The following AGBL4 variants were observed in gnomAD, a reference collection of about 807,000 sequenced individuals.
AGBL4 encodes cytosolic carboxypeptidase 6.
A neutral mutation model predicts 66.4 loss-of-function variants in AGBL4; 58 were observed. That is an observed-to-expected ratio of 0.87 (90% CI 0.71 to 1.09). The LOEUF is 1.09. AGBL4 is among the 50% of genes least tolerant of loss of function. The probability of loss-of-function intolerance (pLI) is 0.00; values close to 1 mark genes in which losing one functional copy is unlikely to be tolerated. For synonymous variants in AGBL4, 234 were observed against 222.9 expected (o/e 1.05, Z -0.44); for missense variants, 579 against 631.0 (o/e 0.92, Z 0.88).
At chr1:49,164,063 G>T (rs1012283366) in intron 4 of AGBL4, among the ~76,000 whole-genome samples, 3 of 152,170 alleles carry the variant, frequency 2.0e-5, no homozygotes, top group Admixed American at 1.3e-4. Context: ...TTTATAGGTT[G>T]TGTGCATAGT....
intron 9 of AGBL4, among the ~76,000 whole-genome samples, chr1:48,604,643 C>A (rs1645129181): frequency 6.6e-6 from 1 of 151,878 alleles, no homozygotes; most frequent in East Asian, 1.9e-4. Flanking sequence ...CACTTACATA[C>A]ACATAATCAA....
intron 4 of AGBL4, among the ~76,000 whole-genome samples, chr1:49,125,737 G>A (rs1305874873): frequency 6.6e-6 from 1 of 152,010 alleles, no homozygotes; most frequent in Non-Finnish European, 1.5e-5. Flanking sequence ...ATTCTCAAAT[G>A]AGAAAAAAGG....
At chr1:48,898,143 T>G (rs765796815) in intron 5 of AGBL4, among the ~76,000 whole-genome samples, 2 of 152,188 alleles carry the variant, frequency 1.3e-5, no homozygotes, top group South Asian at 2.1e-4. Context: ...GCTTTTGTTT[T>G]TTTGTTTGTT....
At chr1:49,928,887 T>TTGC (rs1653057700) in intron 1 of AGBL4, among the ~76,000 whole-genome samples, 1 of 152,120 alleles carries the variant, frequency 6.6e-6, no homozygotes, top group Admixed American at 6.5e-5. Flanking sequence ...GCAGCACTAT[T>TTGC]TGCAATAGCA....
chr1:49,919,856 A>T (rs1418276980), intron 1 of AGBL4, among the ~76,000 whole-genome samples: 2 of 152,248 alleles, frequency 1.3e-5, no homozygotes, highest in Non-Finnish European at 2.9e-5. Context: ...AGGCTACAGT[A>T]ACCAAAACAG....
intron 2 of AGBL4, among the ~76,000 whole-genome samples, chr1:49,806,333 T>G (rs2147959883): frequency 6.6e-6 from 1 of 152,326 alleles, no homozygotes; most frequent in East Asian, 1.9e-4. Context: ...AGAACTTGGC[T>G]TAATTGTGTC....
chr1:49,273,143 C>A (rs1644096040), intron 3 of AGBL4, among the ~76,000 whole-genome samples: 1 of 152,046 alleles, frequency 6.6e-6, no homozygotes, highest in African/African-American at 2.4e-5. Flanking sequence ...TCTCACAGGT[C>A]CAGAGCAGTG....
chr1:48,539,855 C>G (rs1644036421), intron 11 of AGBL4, 117 bp from the exon 12 acceptor site: 1 of 587,140 alleles, frequency 1.7e-6, no homozygotes, highest in Non-Finnish European at 2.6e-6. Context: ...TTGTTCTAAG[C>G]TTTTTGTATG....
intron 1 of AGBL4, among the ~76,000 whole-genome samples, chr1:49,962,244 G>C (rs539441430): frequency 6.6e-6 from 1 of 152,076 alleles, no homozygotes; most frequent in African/African-American, 2.4e-5. Context: ...CAATCCCTTC[G>C]TTAAGTTGTC....
intron 3 of AGBL4, among the ~76,000 whole-genome samples, chr1:49,389,242 T>A (rs897754023): frequency 6.7e-6 from 1 of 149,528 alleles, no homozygotes; most frequent in African/African-American, 2.5e-5. Context: ...CTGCCATCAA[T>A]TTTTTTTTTA....
intron 9 of AGBL4, among the ~76,000 whole-genome samples, chr1:48,606,434 T>C (rs2148372563): frequency 6.6e-6 from 1 of 152,180 alleles, no homozygotes; most frequent in South Asian, 2.1e-4. Flanking sequence ...TAGATGGAGG[T>C]AAAGAGGCTG....
chr1:49,643,040 A>G (rs1645814761), intron 3 of AGBL4, among the ~76,000 whole-genome samples: 1 of 152,008 alleles, frequency 6.6e-6, no homozygotes, highest in South Asian at 2.1e-4. Context: ...TGAATATTAA[A>G]CCAGTTAACT....
intron 4 of AGBL4, among the ~76,000 whole-genome samples, chr1:49,140,674 A>T (rs899850236): frequency 6.6e-6 from 1 of 152,220 alleles, no homozygotes; most frequent in Non-Finnish European, 1.5e-5. Flanking sequence ...GTGATTCTCA[A>T]GTTACAGGAG....
intron 1 of AGBL4, among the ~76,000 whole-genome samples, chr1:49,929,435 T>G (rs1379711620): frequency 6.6e-6 from 1 of 152,084 alleles, no homozygotes; most frequent in Non-Finnish European, 1.5e-5. Flanking sequence ...TGGAACAACA[T>G]TTTTAAAGTA....
intron 6 of AGBL4, chr1:48,817,561 T>A (rs1646210580): frequency 6.4e-6 from 1 of 157,154 alleles, no homozygotes; most frequent in Non-Finnish European, 1.4e-5. Flanking sequence ...TTAGTATTAA[T>A]CCTGTGGGTA....
intron 6 of AGBL4, among the ~76,000 whole-genome samples, chr1:48,665,535 T>C (rs932768240): frequency 1.3e-5 from 2 of 152,194 alleles, no homozygotes; most frequent in Non-Finnish European, 2.9e-5. Flanking sequence ...GGTGAGGAAC[T>C]GAGGCTCACA....
chr1:48,874,587 T>C (rs1287724526), intron 5 of AGBL4, among the ~76,000 whole-genome samples: 1 of 152,184 alleles, frequency 6.6e-6, no homozygotes, highest in Non-Finnish European at 1.5e-5. Flanking sequence ...AAAATAGTTT[T>C]TACATTATAA....
intron 3 of AGBL4, among the ~76,000 whole-genome samples, chr1:49,508,642 A>G (rs1378962752): frequency 6.6e-6 from 1 of 151,928 alleles, no homozygotes; most frequent in East Asian, 1.9e-4. Context: ...CTAGATATTC[A>G]TGGGTTTAAA....
intron 3 of AGBL4, among the ~76,000 whole-genome samples, chr1:49,343,769 T>G (rs1023612141): frequency 6.6e-6 from 1 of 152,218 alleles, no homozygotes; most frequent in South Asian, 2.1e-4. Context: ...TGTGAAGTTT[T>G]GCTTTCAAAA....
Sources: gnomAD v4.1 joint callset for allele counts (sites outside exome capture counted in the v4.1 genomes callset) on GRCh38, gnomAD v4.1.1 for gene constraint, MANE v1.5 for transcripts, NCBI Gene and HGNC (gene_info 2026-07-23, HGNC 2026-07-21) for gene names.